Variants in PTGFR observed in about 807,000 individuals in gnomAD.
PTGFR encodes the protein prostaglandin F receptor, also known as prostaglandin F2-alpha receptor.
A neutral mutation model predicts 26.2 loss-of-function variants in PTGFR; 15 were observed. The observed-to-expected ratio is 0.57, with a 90% CI of 0.38 to 0.88. The LOEUF is 0.88. PTGFR is among the 40% of genes least tolerant of loss of function. The pLI is 0.00. For missense variants in PTGFR, 369 were observed against 427.2 expected (o/e 0.86, Z 1.20); for synonymous variants, 165 against 151.1 (o/e 1.09, Z -0.68).
rs1330621466 is a variant in PTGFR, at chr1:78,537,356, A to G, written c.*669A>G. The G allele has an allele frequency of 6.6e-6, 1 of 152,036 alleles. No individual in the cohort carries two copies. The highest frequency in any genetic ancestry group is 1.9e-4 in the East Asian group (1 of 5,198). 9.4% of individuals were successfully genotyped at this position (152,036 alleles called of 1,614,324 possible). ...CGATTGTTGTTGGAAGTGTTTTTTCATGTCATAGATTAGCAATTTTCAAAT... is the reference window on the plus strand; with the variant it reads ...CGATTGTTGTTGGAAGTGTTTTTTCGTGTCATAGATTAGCAATTTTCAAAT... On this transcript the variant is annotated 3_prime_UTR_variant, in exon 3 of 3. Coordinates refer to ENST00000370757, the MANE Select transcript of PTGFR (RefSeq NM_000959.4).
chr1:78,500,856 G>T (rs1649686670), intron 2 of PTGFR, among the ~76,000 whole-genome samples: 1 of 152,222 alleles, frequency 6.6e-6, no homozygotes, highest in Admixed American at 6.5e-5. Flanking sequence ...CCATAAAAGT[G>T]TATGGTGTAA....
In PTGFR at chr1:78,492,772, T is replaced by C. The variant is rs115647706; in HGVS notation, c.29T>C (p.Val10Ala). 515 of 1,613,880 alleles carry C rather than the reference T, an allele frequency of 3.2e-4. No individual in the cohort carries two copies. Among genetic ancestry groups the C allele is most frequent in the Admixed American group, 3.8e-4 (23 of 60,006 alleles). MSMNNSKQL[V>A]SPAAALLSNT... is the part of the protein sequence containing the mutation. The stretch of plus-strand genomic sequence containing the variant: ...TCCATGAACAATTCCAAACAGCTAG[T>C]GTCTCCTGCAGCTGCGCTTCTTTCA... Residue 10 changes from valine (V) to alanine (A), a missense_variant, in exon 2 of 3, where the codon GTG (valine) becomes GCG (alanine). Coordinates refer to ENST00000370757, the MANE Select transcript of PTGFR (RefSeq NM_000959.4).
Position 78,539,630 on chromosome 1 carries a change from G to A in PTGFR, c.*2943G>A, listed in dbSNP as rs1650743643. 1 of 152,462 alleles carries A rather than the reference G, an allele frequency of 6.6e-6. No homozygotes were observed. Among genetic ancestry groups the A allele is most frequent in the Non-Finnish European group, 1.5e-5 (1 of 67,984 alleles). 9.4% of individuals were successfully genotyped at this position (152,462 alleles called of 1,614,324 possible). A position where few individuals can be genotyped will look rare whatever the true frequency, so the allele number is the denominator to read the frequency against. On this transcript the variant is annotated 3_prime_UTR_variant, in exon 3 of 3. Transcript: ENST00000370757. ...CTTCATACTTGTTGGATTGTATAGA[G>A]ATTAAATAGTGATATGTATATTTTG...
At chr1:78,494,400 C>G (rs889071217) in intron 2 of PTGFR, among the ~76,000 whole-genome samples, 1 of 152,144 alleles carries the variant, frequency 6.6e-6, no homozygotes, top group Non-Finnish European at 1.5e-5. Flanking sequence ...GAGCAAGTGA[C>G]AGCAAAGATT....
At chr1:78,518,592 ACACACACAC>A (rs1408868413) in intron 2 of PTGFR, among the ~76,000 whole-genome samples, 1 of 139,082 alleles carries the variant, frequency 7.2e-6, no homozygotes, top group Non-Finnish European at 1.5e-5. Context: ...ACACACACAC[ACACACACAC>A]ACACACACAC....
intron 2 of PTGFR, among the ~76,000 whole-genome samples, chr1:78,502,853 A>C (rs909496789): frequency 6.6e-6 from 1 of 152,160 alleles, no homozygotes; most frequent in Non-Finnish European, 1.5e-5. Flanking sequence ...AGTACTTATA[A>C]GATAAAAAGA....
intron 2 of PTGFR, 74 bp from the exon 3 acceptor site, chr1:78,536,332 C>A (rs1254827618): frequency 2.1e-6 from 3 of 1,403,396 alleles, no homozygotes; most frequent in Non-Finnish European, 2.9e-6. Context: ...TGTCATCTAG[C>A]ATAGCTAATT....
intron 1 of PTGFR, among the ~76,000 whole-genome samples, chr1:78,491,454 A>T (rs1649394770): frequency 6.6e-6 from 1 of 152,208 alleles, no homozygotes; most frequent in Non-Finnish European, 1.5e-5. Context: ...GGGATTGGGT[A>T]GAAAGGGTCT....
At chr1:78,498,536 A>G (rs1462179702) in intron 2 of PTGFR, among the ~76,000 whole-genome samples, 8 of 152,174 alleles carry the variant, frequency 5.3e-5, no homozygotes, top group Non-Finnish European at 1.0e-4. Context: ...CCAAATTTAA[A>G]AAATTAACCC....
chr1:78,527,316 T>C (rs1650396383), intron 2 of PTGFR, among the ~76,000 whole-genome samples: 2 of 152,118 alleles, frequency 1.3e-5, no homozygotes, highest in African/African-American at 4.8e-5. Flanking sequence ...TTTCATATAG[T>C]AGTAAAATTG....
intron 2 of PTGFR, among the ~76,000 whole-genome samples, chr1:78,524,448 T>C (rs937377355): frequency 3.9e-5 from 6 of 152,112 alleles, no homozygotes; most frequent in Non-Finnish European, 8.8e-5. Context: ...AATGAATATT[T>C]GCATAGGCCA....
intron 2 of PTGFR, chr1:78,532,384 ATATATATATATATG>A (rs1055968411): frequency 7.1e-6 from 1 of 140,276 alleles, no homozygotes; most frequent in African/African-American, 3.1e-5. Context: ...ATATATATAT[ATATATATATATATG>A]TATATATGTG....
intron 2 of PTGFR, among the ~76,000 whole-genome samples, chr1:78,516,806 A>AACCATATCC (rs1317207228): frequency 2.1e-4 from 32 of 152,244 alleles, no homozygotes; most frequent in Admixed American, 7.9e-4. Flanking sequence ...GAAAGGTTAA[A>AACCATATCC]ACCATATCCA....
At chr1:78,531,297 A>G (rs1650500618) in intron 2 of PTGFR, among the ~76,000 whole-genome samples, 1 of 152,170 alleles carries the variant, frequency 6.6e-6, no homozygotes, top group Admixed American at 6.6e-5. Flanking sequence ...CCTCTAAGAC[A>G]GAGACGTCTC....
rs1649572686 is a variant in PTGFR, at chr1:78,497,126, A to G, written c.798+3585A>G. Among the ~76,000 whole-genome samples the G allele has an allele frequency of 2.0e-5, 3 of 152,082 alleles. No individual in the cohort carries two copies. The South Asian group carries it at 6.2e-4, about 32-fold the overall frequency. On this transcript the variant is annotated intron_variant, in intron 2 of 2. Transcript: ENST00000370757. ...AACATTTAATGTGTTTTATTTTTCC[A>G]AAAGGGGAAAATGTGCTTTCCTCCT...
At chr1:78,512,215 C>T (rs946403009) in intron 2 of PTGFR, among the ~76,000 whole-genome samples, 1 of 152,232 alleles carries the variant, frequency 6.6e-6, no homozygotes, top group African/African-American at 2.4e-5. Context: ...TCCAAAGCTG[C>T]TTCCACATCT....
intron 2 of PTGFR, among the ~76,000 whole-genome samples, chr1:78,524,906 ATTTTTTTTTTTTTTTT>A (rs35641651): frequency 1.8e-4 from 13 of 70,524 alleles, no homozygotes; most frequent in East Asian, 1.6e-3. Flanking sequence ...CAAATGCAAG[ATTTTTTTTTTTTTTTT>A]TTTTTTTTTT....
chr1:78,529,022 A>G (rs1239181690), intron 2 of PTGFR, among the ~76,000 whole-genome samples: 1 of 152,188 alleles, frequency 6.6e-6, no homozygotes, highest in African/African-American at 2.4e-5. Flanking sequence ...CACACATTTC[A>G]ATAAGTAGAT....
rs1650764319 is a variant in PTGFR, at chr1:78,540,281, A to C, written c.*3594A>C. ...TAACATAAATAATGTGGCTTTACTAACTTCCCAGGGGGCAGCTAAGTGCAA... is the reference window on the plus strand; with the variant it reads ...TAACATAAATAATGTGGCTTTACTACCTTCCCAGGGGGCAGCTAAGTGCAA... On this transcript the variant is annotated 3_prime_UTR_variant, in exon 3 of 3. Transcript: ENST00000370757. Among the ~76,000 whole-genome samples, 1 of 152,116 alleles carries C rather than the reference A, an allele frequency of 6.6e-6. No individual in the cohort carries two copies. Among genetic ancestry groups the C allele is most frequent in the African/African-American group, 2.4e-5 (1 of 41,428 alleles).
Sources: gnomAD v4.1 joint callset for allele counts (sites outside exome capture counted in the v4.1 genomes callset) on GRCh38, gnomAD v4.1.1 for gene constraint, MANE v1.5 for transcripts, NCBI Gene and HGNC (gene_info 2026-07-23, HGNC 2026-07-21) for gene names.